Variants in TTC27 observed in about 807,000 individuals in gnomAD.
TTC27 encodes the protein tetratricopeptide repeat domain 27, also known as tetratricopeptide repeat protein 27.
Under a neutral mutation model 115.9 loss-of-function variants are expected in TTC27, and 79 were observed. The observed-to-expected ratio is 0.68, with a 90% CI of 0.57 to 0.82. The LOEUF (loss-of-function observed/expected upper bound fraction) is 0.82, where lower values mean the gene tolerates loss of function less well. Among genes scored for constraint, TTC27 ranks in the 40% least tolerant of loss-of-function variants. TTC27 has a pLI of 0.00. For missense variants in TTC27, 1,054 were observed against 993.1 expected (o/e 1.06, Z -0.82); for synonymous variants, 401 against 356.0 (o/e 1.13, Z -1.42).
rs1668557961 is a variant in TTC27, at chr2:32,739,543, C to A, written c.1452+2727C>A. On this transcript the variant is annotated intron_variant, in intron 12 of 19. Transcript: ENST00000317907. ...GTAATAATGACAAATGCTTCTGTTT[C>A]TAAATCCTCTAGAAAATGTGCATAT... Among the ~76,000 whole-genome samples, 3 of 152,050 alleles carry A rather than the reference C, an allele frequency of 2.0e-5. No homozygotes were observed. In the South Asian group the frequency reaches 6.2e-4, roughly 31 times the overall value.
intron 9 of TTC27, among the ~76,000 whole-genome samples, chr2:32,681,238 T>G (rs1274881566): frequency 6.6e-6 from 1 of 152,190 alleles, no homozygotes; most frequent in East Asian, 1.9e-4. Flanking sequence ...AACTTCTATG[T>G]GAGGAGGACT....
At chr2:32,660,600 G>T (rs1284863046) in intron 5 of TTC27, among the ~76,000 whole-genome samples, 2 of 151,350 alleles carry the variant, frequency 1.3e-5, no homozygotes, top group African/African-American at 2.4e-5. Context: ...GGGACTAGGG[G>T]ACACTTTTTG....
intron 3 of TTC27, among the ~76,000 whole-genome samples, chr2:32,634,220 G>GTGT (rs1664326008): frequency 6.6e-6 from 1 of 152,046 alleles, no homozygotes; most frequent in African/African-American, 2.4e-5. Flanking sequence ...TTATGGAGCT[G>GTGT]TGTTAGCTGT....
At chr2:32,815,708 C>G (rs1434978824) in intron 18 of TTC27, among the ~76,000 whole-genome samples, 1 of 152,112 alleles carries the variant, frequency 6.6e-6, no homozygotes. Flanking sequence ...ATCTAAACTG[C>G]TGGGTACTAA....
intron 16 of TTC27, among the ~76,000 whole-genome samples, chr2:32,806,061 G>A (rs1178823465): frequency 1.3e-5 from 2 of 152,070 alleles, no homozygotes; most frequent in African/African-American, 4.8e-5. Context: ...TATATCTTGG[G>A]TCCTGTTTCC....
rs34242666 is a variant in TTC27 at position 32,730,547 on chromosome 2, T to TA, written c.1234-3270dup. Among the ~76,000 whole-genome samples the TA allele has an allele frequency of 1.9e-4, 28 of 148,448 alleles. No individual in the cohort carries two copies. The South Asian group carries it at 2.9e-3, about 16-fold the overall frequency. On this transcript the variant is annotated intron_variant, in intron 10 of 19. Transcript: ENST00000317907. ...CTGTCTTTTTAGTAAATTAGCAAATTAAAAAAAAAAAGAGTACTTTGGATC... is the reference window on the plus strand; with the variant it reads ...CTGTCTTTTTAGTAAATTAGCAAATTAAAAAAAAAAAAGAGTACTTTGGATC...
chr2:32,653,593 C>CA (rs762255156), intron 5 of TTC27, among the ~76,000 whole-genome samples: 21,332 of 93,766 alleles, frequency 0.23, 1,899 homozygotes, highest in South Asian at 0.49. Context: ...GACTCCATCT[C>CA]AAAAAAAAAA....
At chr2:32,705,023 C>T in intron 10 of TTC27, 1 of 429,526 alleles carries the variant, frequency 2.3e-6, no homozygotes, top group Non-Finnish European at 4.9e-6. Context: ...TTTGTTCCCT[C>T]CGTATCTCTT....
intron 10 of TTC27, among the ~76,000 whole-genome samples, chr2:32,717,942 C>T (rs1667806570): frequency 6.6e-6 from 1 of 152,160 alleles, no homozygotes; most frequent in Non-Finnish European, 1.5e-5. Flanking sequence ...GGACAAGCTA[C>T]TGAACCTCTC....
chr2:32,784,713 G>C (rs1670292451), intron 15 of TTC27, among the ~76,000 whole-genome samples: 1 of 152,172 alleles, frequency 6.6e-6, no homozygotes, highest in African/African-American at 2.4e-5. Flanking sequence ...CAATTTTGAG[G>C]CTAGGAAATT....
In TTC27 at chr2:32,664,224, G is replaced by A. The variant is rs576394496; in HGVS notation, c.641-79G>A. 8.1e-6 allele frequency: 10 copies of A among 1,229,392 alleles called. No homozygotes were observed. In the South Asian group the frequency reaches 1.1e-4, roughly 14 times the overall value. The allele number at this position is 1,229,392 out of a possible 1,614,324, so 76.2% of individuals were successfully genotyped here. A position where few individuals can be genotyped will look rare whatever the true frequency, so the allele number is the denominator to read the frequency against. Reference sequence around the variant, plus strand: ...AGAGACTATGTACTATATACTTTATGTATTATAGACTCTATTTTACACATT... The same window carrying A: ...AGAGACTATGTACTATATACTTTATATATTATAGACTCTATTTTACACATT... On this transcript the variant is annotated intron_variant, in intron 5 of 19. Coordinates refer to ENST00000317907, the MANE Select transcript of TTC27 (RefSeq NM_017735.5).
At position 32,751,258 on chromosome 2, in the gene TTC27, C is replaced by CCACACACACA. The variant is rs56183534; in HGVS notation, c.1453-6999_1453-6990dup. Among the ~76,000 whole-genome samples the CCACACACACA allele has an allele frequency of 3.0e-3, 425 of 140,844 alleles. 4 individuals are homozygous for CCACACACACA. The highest frequency in any genetic ancestry group is 3.6e-3 in the Non-Finnish European group (232 of 65,166). The allele number at this position is 140,844 out of a possible 152,430, so 92.4% of individuals were successfully genotyped here. ...GCTCAGTTTAAATGGGTAGGTTAAA[C>CCACACACACA]CACACACACACACACACACACACAC... On this transcript the variant is annotated intron_variant, in intron 12 of 19. Coordinates refer to ENST00000317907, the MANE Select transcript of TTC27 (RefSeq NM_017735.5).
chr2:32,723,742 C>CCTTCCTTT (rs1668013592), intron 10 of TTC27, among the ~76,000 whole-genome samples: 2 of 109,064 alleles, frequency 1.8e-5, no homozygotes, highest in African/African-American at 3.5e-5. Flanking sequence ...TTCCTTCCTT[C>CCTTCCTTT]CTTCCTTCCT....
At chr2:32,687,137 C>T (rs1356227191) in intron 9 of TTC27, among the ~76,000 whole-genome samples, 1 of 152,200 alleles carries the variant, frequency 6.6e-6, no homozygotes, top group East Asian at 1.9e-4. Context: ...AGCCACTGCA[C>T]CTGGCCATTT....
Position 32,640,347 on chromosome 2 carries a change from T to C in TTC27, c.474T>C (p.Pro158=). ...GESIYSLTSK[P]ILLLLARIIL... Reference sequence around the variant, plus strand: ...CAATCTACAGCCTGACCTCGAAGCCTATACTACTGTTATTAGCACGCATTA... The same window carrying C: ...CAATCTACAGCCTGACCTCGAAGCCCATACTACTGTTATTAGCACGCATTA... The change falls in exon 4 of 20, where the codon CCT becomes CCC. Residue 158 remains proline (P), a synonymous_variant. Coordinates refer to ENST00000317907, the MANE Select transcript of TTC27 (RefSeq NM_017735.5). 6.2e-7 allele frequency: 1 copy of C among 1,614,068 alleles called. No homozygotes were observed. Among genetic ancestry groups the C allele is most frequent in the Non-Finnish European group, 8.5e-7 (1 of 1,179,974 alleles).
At position 32,812,609 on chromosome 2, in the gene TTC27, G is replaced by A. The variant is rs763340061; in HGVS notation, c.2302G>A (p.Ala768Thr). Residue 768 changes from alanine to threonine, a missense_variant, in exon 18 of 20, where the codon GCA becomes ACA. Coordinates refer to ENST00000317907, the MANE Select transcript of TTC27 (RefSeq NM_017735.5). Reference protein sequence around the residue: ...KEVVQRALGLAHVAIKCSKNK... With the variant: ...KEVVQRALGLTHVAIKCSKNK... Reference sequence around the variant, plus strand: ...AGTTGTTCAAAGAGCCTTAGGACTTGCACATGGTATTTGATGTAACATTTG... The same window carrying A: ...AGTTGTTCAAAGAGCCTTAGGACTTACACATGGTATTTGATGTAACATTTG... The A allele has an allele frequency of 1.2e-6, 2 of 1,610,120 alleles. No individual in the cohort carries two copies. The highest frequency in any genetic ancestry group is 1.7e-5 in the Admixed American group (1 of 60,008).
At chr2:32,801,943 T>A (rs1029042276) in intron 16 of TTC27, among the ~76,000 whole-genome samples, 1 of 152,232 alleles carries the variant, frequency 6.6e-6, no homozygotes, top group Non-Finnish European at 1.5e-5. Context: ...AAGACTGGAA[T>A]CCCAGGTCAT....
intron 7 of TTC27, among the ~76,000 whole-genome samples, chr2:32,668,426 T>C (rs1226010004): frequency 6.6e-6 from 1 of 151,354 alleles, no homozygotes; most frequent in Non-Finnish European, 1.5e-5. Flanking sequence ...AAATAGGATA[T>C]GATGAGTATT....
chr2:32,711,601 G>C (rs1034369751), intron 10 of TTC27, among the ~76,000 whole-genome samples: 1 of 152,120 alleles, frequency 6.6e-6, no homozygotes, highest in African/African-American at 2.4e-5. Flanking sequence ...ATGAAAATCT[G>C]TTCCCTTCCA....
Sources: allele counts gnomAD v4.1 joint callset (sites outside exome capture counted in the v4.1 genomes callset), GRCh38; gene constraint gnomAD v4.1.1; transcripts MANE v1.5; gene names NCBI Gene and HGNC (gene_info 2026-07-23, HGNC 2026-07-21).